UNC5A: variants seen among roughly 807,000 people sequenced by gnomAD.
The protein encoded by UNC5A is netrin receptor UNC5A.
A neutral mutation model predicts 87.4 loss-of-function variants in UNC5A; 20 were observed. That is an observed-to-expected ratio of 0.23 (90% CI 0.16 to 0.33). The LOEUF is 0.33. Ranked by LOEUF, UNC5A falls within the 10% of genes least tolerant of loss-of-function variation. The pLI is 1.00. For missense variants in UNC5A, 844 were observed against 1,133.4 expected (o/e 0.74, Z 3.67); for synonymous variants, 438 against 482.3 (o/e 0.91, Z 1.20).
chr5:176,864,653 T>C (rs1757927712), intron 2 of UNC5A, among the ~76,000 whole-genome samples: 1 of 152,200 alleles, frequency 6.6e-6, no homozygotes, highest in Non-Finnish European at 1.5e-5. Context: ...CAGCAGGGAC[T>C]GCCTCCCTCC....
At chr5:176,857,504 A>G (rs1405177221) in intron 1 of UNC5A, among the ~76,000 whole-genome samples, 1 of 151,044 alleles carries the variant, frequency 6.6e-6, no homozygotes, top group Non-Finnish European at 1.5e-5. Flanking sequence ...ACACACGCAC[A>G]CACACACACA....
rs1757462443 is a variant in UNC5A at position 176,848,278 on chromosome 5, C to T, written c.71-14346C>T. 6.6e-6 allele frequency among the ~76,000 whole-genome samples: 1 copy of T among 152,070 alleles called. No homozygotes were observed. Among genetic ancestry groups the T allele is most frequent in the Non-Finnish European group, 1.5e-5 (1 of 68,012 alleles). On this transcript the variant is annotated intron_variant, in intron 1 of 14. Transcript: ENST00000329542. The surrounding 1 kb of genome is among the most constrained non-coding windows in gnomAD (Gnocchi z 5.8). ...CCCCAGCTTCTCTCTCCCCTGCTACCCCAAAGCACAAGAGGGTGTGCAGGG... is the reference window on the plus strand; with the variant it reads ...CCCCAGCTTCTCTCTCCCCTGCTACTCCAAAGCACAAGAGGGTGTGCAGGG...
At chr5:176,829,809 G>A (rs916558062) in intron 1 of UNC5A, among the ~76,000 whole-genome samples, 1 of 149,540 alleles carries the variant, frequency 6.7e-6, no homozygotes, top group Non-Finnish European at 1.5e-5. Flanking sequence ...CACCTGGGAA[G>A]TACAAGTTCA....
chr5:176,859,932 G>T (rs1282225328), intron 1 of UNC5A, among the ~76,000 whole-genome samples: 1 of 152,256 alleles, frequency 6.6e-6, no homozygotes, highest in East Asian at 1.9e-4. Context: ...CTGGAGAAGT[G>T]AGCTATGCCC....
At position 176,880,898 on chromosome 5, in the gene UNC5A, A is replaced by G. The variant is rs1372193491; in HGVS notation, c.*1012A>G. 6.6e-6 allele frequency: 4 copies of G among 603,790 alleles called. No homozygotes were observed. The highest frequency in any genetic ancestry group is 1.1e-5 in the Non-Finnish European group (4 of 359,028). The allele number at this position is 603,790 out of a possible 1,614,324, so 37.4% of individuals were successfully genotyped here. A position where few individuals can be genotyped will look rare whatever the true frequency, so the allele number is the denominator to read the frequency against. Reference sequence around the variant, plus strand: ...AATAAATTATATATATATATTGCTAACCTGAGTGCTACTTCTCTCAGGGAA... The same window carrying G: ...AATAAATTATATATATATATTGCTAGCCTGAGTGCTACTTCTCTCAGGGAA... On this transcript the variant is annotated 3_prime_UTR_variant, in exon 15 of 15. Coordinates refer to ENST00000329542, the MANE Select transcript of UNC5A (RefSeq NM_133369.3).
intron 1 of UNC5A, among the ~76,000 whole-genome samples, chr5:176,847,027 G>C (rs1005707428): frequency 6.6e-6 from 1 of 152,154 alleles, no homozygotes; most frequent in Non-Finnish European, 1.5e-5. Flanking sequence ...CTAGGAGAGA[G>C]CAGCACAGCC....
At chr5:176,811,465 G>A (rs1468167953) in intron 1 of UNC5A, among the ~76,000 whole-genome samples, 1 of 152,212 alleles carries the variant, frequency 6.6e-6, no homozygotes, top group Non-Finnish European at 1.5e-5. Context: ...TCCCTGGTGC[G>A]GGGGGCCAGA....
At chr5:176,853,439 G>A (rs1324415727) in intron 1 of UNC5A, among the ~76,000 whole-genome samples, 2 of 152,190 alleles carry the variant, frequency 1.3e-5, no homozygotes, top group Non-Finnish European at 2.9e-5. Flanking sequence ...GTTCTTTGTG[G>A]TTCAGCCTGT....
Position 176,875,986 on chromosome 5 carries a change from A to G in UNC5A, c.1379-1206A>G, listed in dbSNP as rs1758252606. Among the ~76,000 whole-genome samples, 1 of 152,238 alleles carries G rather than the reference A, an allele frequency of 6.6e-6. No homozygotes were observed. Among genetic ancestry groups the G allele is most frequent in the Admixed American group, 6.5e-5 (1 of 15,288 alleles). ...AGCTCTTACAGAGACGCAGGCGAACAGTGGGGCCCGGCAGCCCTTGCTCTT... is the reference window on the plus strand; with the variant it reads ...AGCTCTTACAGAGACGCAGGCGAACGGTGGGGCCCGGCAGCCCTTGCTCTT... On this transcript the variant is annotated intron_variant, in intron 8 of 14. Coordinates refer to ENST00000329542, the MANE Select transcript of UNC5A (RefSeq NM_133369.3). This position sits in a 1 kb window ranked among gnomAD's most constrained non-coding sequence, Gnocchi z 5.2.
At chr5:176,873,894 G>A in intron 6 of UNC5A, 74 bp from the exon 7 acceptor site, 2 of 1,513,034 alleles carry the variant, frequency 1.3e-6, no homozygotes, top group South Asian at 1.2e-5. Context: ...ATCCTCCTGG[G>A]GTGCAGACCA....
At chr5:176,832,128 T>G (rs1032323938) in intron 1 of UNC5A, among the ~76,000 whole-genome samples, 1 of 152,068 alleles carries the variant, frequency 6.6e-6, no homozygotes, top group African/African-American at 2.4e-5. Flanking sequence ...AACTCCTGAC[T>G]TCAGGTGATC....
intron 1 of UNC5A, among the ~76,000 whole-genome samples, chr5:176,854,467 T>A (rs1352563602): frequency 6.6e-6 from 1 of 152,210 alleles, no homozygotes; most frequent in Non-Finnish European, 1.5e-5. Flanking sequence ...CCCCTGCGTG[T>A]CTGCAAGCCC....
rs1758048654 is a variant in UNC5A, at chr5:176,869,157, G to A, written c.721+193G>A. The stretch of plus-strand genomic sequence containing the variant: ...GGGGCATGTCTGGGCAAAGGAGTGG[G>A]ACAGATTGGAGGTCCTTTGTGGGCA... On this transcript the variant is annotated intron_variant, in intron 5 of 14. Transcript: ENST00000329542. The surrounding 1 kb of genome is among the most constrained non-coding windows in gnomAD (Gnocchi z 9.1). 6.6e-6 allele frequency among the ~76,000 whole-genome samples: 1 copy of A among 152,182 alleles called. No homozygotes were observed. The highest frequency in any genetic ancestry group is 2.4e-5 in the African/African-American group (1 of 41,456).
At chr5:176,831,883 C>CTTTTTTTTTTTTT (rs1285414321) in intron 1 of UNC5A, among the ~76,000 whole-genome samples, 6 of 115,310 alleles carry the variant, frequency 5.2e-5, no homozygotes, top group African/African-American at 2.2e-4. Flanking sequence ...CTTTCTCTCT[C>CTTTTTTTTTTTTT]TCTTTTTTTT....
intron 1 of UNC5A, among the ~76,000 whole-genome samples, chr5:176,821,213 G>A (rs1175378625): frequency 3.3e-5 from 5 of 152,196 alleles, no homozygotes; most frequent in African/African-American, 9.7e-5. Flanking sequence ...CTCTGCTTCC[G>A]AGCGTGGTTC....
In UNC5A at chr5:176,844,545, G is replaced by A. The variant is rs1350956755; in HGVS notation, c.71-18079G>A. ...GGGAAGGTCTGATGGGGACTTAGCC[G>A]CACTGTGCCACACCGAAATTCACAG... On this transcript the variant is annotated intron_variant, in intron 1 of 14. Coordinates refer to ENST00000329542, the MANE Select transcript of UNC5A (RefSeq NM_133369.3). This position sits in a 1 kb window ranked among gnomAD's most constrained non-coding sequence, Gnocchi z 4.2. Among the ~76,000 whole-genome samples the A allele has an allele frequency of 7.2e-5, 11 of 152,212 alleles. No homozygotes were observed. The highest frequency in any genetic ancestry group is 2.6e-4 in the Admixed American group (4 of 15,288).
intron 2 of UNC5A, among the ~76,000 whole-genome samples, chr5:176,863,368 G>C (rs1401418576): frequency 1.3e-5 from 2 of 152,222 alleles, no homozygotes; most frequent in Non-Finnish European, 2.9e-5. Context: ...AGGGTGTGCA[G>C]GGGACCAAAC....
chr5:176,872,416 CA>C (rs1248221830), intron 6 of UNC5A, among the ~76,000 whole-genome samples: 3 of 15,616 alleles, frequency 1.9e-4, no homozygotes, highest in East Asian at 1.0e-3. Context: ...ACACTCGCCC[CA>C]ACACCACAGC....
At chr5:176,878,729 G>A in intron 13 of UNC5A, 90 bp downstream of exon 13, 1 of 1,487,330 alleles carries the variant, frequency 6.7e-7, no homozygotes, top group Non-Finnish European at 9.1e-7. Flanking sequence ...TGCCTGCCCT[G>A]CCACCCACTC....
Sources: allele counts gnomAD v4.1 joint callset (sites outside exome capture counted in the v4.1 genomes callset), GRCh38; gene constraint gnomAD v4.1.1; non-coding constraint Gnocchi (gnomAD v3.1); transcripts MANE v1.5; gene names NCBI Gene and HGNC (gene_info 2026-07-23, HGNC 2026-07-21).